Variants in NRP1 observed in about 807,000 individuals in gnomAD.
NRP1 encodes the protein neuropilin 1.
A neutral mutation model predicts 106.7 loss-of-function variants in NRP1; 35 were observed. That is an observed-to-expected ratio of 0.33 (90% CI 0.25 to 0.43). NRP1 has a LOEUF of 0.43. Ranked by LOEUF, NRP1 falls within the 20% of genes least tolerant of loss-of-function variation. The pLI is 1.00. For missense variants in NRP1, 1,024 were observed against 1,170.4 expected (o/e 0.87, Z 1.83); for synonymous variants, 437 against 417.9 (o/e 1.05, Z -0.56).
intron 2 of NRP1, among the ~76,000 whole-genome samples, chr10:33,293,679 GA>G (rs1471373679): frequency 6.6e-6 from 1 of 152,166 alleles, no homozygotes; most frequent in Admixed American, 6.5e-5. Flanking sequence ...AGAGAAAACA[GA>G]AAACATGTTC....
intron 6 of NRP1, among the ~76,000 whole-genome samples, chr10:33,231,336 G>A (rs1242247885): frequency 6.6e-6 from 1 of 152,148 alleles, no homozygotes; most frequent in Non-Finnish European, 1.5e-5. Flanking sequence ...CAGTAAAGAT[G>A]ATAGAAGAAA....
At chr10:33,331,097 G>T (rs565153622) in intron 1 of NRP1, among the ~76,000 whole-genome samples, 2 of 152,244 alleles carry the variant, frequency 1.3e-5, no homozygotes, top group South Asian at 4.2e-4. Context: ...AGCCAACTGA[G>T]ATCTGAGAGG....
chr10:33,304,036 G>C (rs554882753), intron 2 of NRP1, among the ~76,000 whole-genome samples: 10 of 152,214 alleles, frequency 6.6e-5, no homozygotes, highest in Non-Finnish European at 1.2e-4. Flanking sequence ...CTATAAATTG[G>C]GGATTCAACC....
intron 13 of NRP1, among the ~76,000 whole-genome samples, chr10:33,191,126 G>A (rs1201281974): frequency 6.6e-6 from 1 of 152,174 alleles, no homozygotes; most frequent in African/African-American, 2.4e-5. Context: ...CCAAAGTGCT[G>A]GGATTACAGG....
chr10:33,282,787 C>G (rs1029031751), intron 2 of NRP1, among the ~76,000 whole-genome samples: 13 of 151,998 alleles, frequency 8.6e-5, no homozygotes, highest in Non-Finnish European at 1.8e-4. Flanking sequence ...GCTCTGTCAC[C>G]CAGGGTGGAA....
intron 12 of NRP1, 164 bp downstream of exon 12, chr10:33,197,486 C>T (rs1836867121): frequency 6.2e-6 from 3 of 484,856 alleles, no homozygotes; most frequent in Non-Finnish European, 1.1e-5. Flanking sequence ...GCTGCATATA[C>T]ATGTGGATGA....
chr10:33,195,594 T>A, intron 12 of NRP1: 1 of 533,168 alleles, frequency 1.9e-6, no homozygotes, highest in Non-Finnish European at 3.8e-6. Flanking sequence ...ACAGTGTGGA[T>A]CAAAGTATCA....
At chr10:33,323,641 C>T (rs1847686346) in intron 2 of NRP1, among the ~76,000 whole-genome samples, 2 of 152,142 alleles carry the variant, frequency 1.3e-5, no homozygotes, top group Non-Finnish European at 2.9e-5. Flanking sequence ...TGCCAAGCCA[C>T]TGACTCTTAC....
intron 2 of NRP1, among the ~76,000 whole-genome samples, chr10:33,314,502 A>T (rs1227110528): frequency 6.6e-6 from 1 of 152,230 alleles, no homozygotes. Flanking sequence ...CGGAAAACTA[A>T]GTGTAAGAGA....
intron 2 of NRP1, among the ~76,000 whole-genome samples, chr10:33,324,248 C>G (rs1207417757): frequency 6.6e-6 from 1 of 152,042 alleles, no homozygotes; most frequent in Non-Finnish European, 1.5e-5. Flanking sequence ...GAGTAATAAC[C>G]AAGGATGCTG....
intron 8 of NRP1, among the ~76,000 whole-genome samples, chr10:33,218,589 C>T (rs1432639438): frequency 4.6e-5 from 7 of 152,124 alleles, no homozygotes; most frequent in Non-Finnish European, 7.4e-5. Flanking sequence ...TCGTGATCCA[C>T]CTGCCTCGGC....
intron 12 of NRP1, 139 bp from the exon 13 acceptor site, chr10:33,192,557 C>T (rs1218183941): frequency 3.6e-6 from 3 of 841,360 alleles, no homozygotes; most frequent in Non-Finnish European, 5.3e-6. Flanking sequence ...TCCAGGAAAG[C>T]CAGGATTACC....
chr10:33,315,995 C>G (rs1328253651), intron 2 of NRP1, among the ~76,000 whole-genome samples: 1 of 152,226 alleles, frequency 6.6e-6, no homozygotes, highest in Non-Finnish European at 1.5e-5. Flanking sequence ...AAGGCCTTAT[C>G]TGCCCTTATC....
At chr10:33,204,180 GC>G (rs1837577461) in intron 10 of NRP1, among the ~76,000 whole-genome samples, 3 of 152,040 alleles carry the variant, frequency 2.0e-5, no homozygotes, top group Admixed American at 6.6e-5. Context: ...GGTGGCTGGG[GC>G]CTGTTCTCTT....
intron 2 of NRP1, among the ~76,000 whole-genome samples, chr10:33,278,923 T>C (rs1843908170): frequency 6.6e-6 from 1 of 152,064 alleles, no homozygotes; most frequent in Non-Finnish European, 1.5e-5. Context: ...GTACGAGAGT[T>C]TATAGTCCCA....
At chr10:33,291,968 A>G (rs1442653496) in intron 2 of NRP1, among the ~76,000 whole-genome samples, 2 of 152,142 alleles carry the variant, frequency 1.3e-5, no homozygotes, top group East Asian at 3.9e-4. Context: ...CAGTGGTGCA[A>G]TCTCGGCTCA....
rs1835476756 is a variant in NRP1 at position 33,178,084 on chromosome 10, G to C, written c.*1992C>G. On this transcript the variant is annotated 3_prime_UTR_variant, in exon 17 of 17. Coordinates refer to ENST00000374867, the MANE Select transcript of NRP1 (RefSeq NM_003873.7). ...TATATCAACTAAATGAATGTCTCTG[G>C]GGACAAAAAACTATTCTTCTTTCAT... The C allele has an allele frequency of 6.6e-6, 1 of 152,406 alleles. No homozygotes were observed. The highest frequency in any genetic ancestry group is 1.5e-5 in the Non-Finnish European group (1 of 68,012). The allele number at this position is 152,406 out of a possible 1,614,324, so 9.4% of individuals were successfully genotyped here.
chr10:33,290,170 A>G (rs1233856566), intron 2 of NRP1, among the ~76,000 whole-genome samples: 6 of 152,238 alleles, frequency 3.9e-5, no homozygotes, highest in Non-Finnish European at 7.3e-5. Flanking sequence ...TGATACGTCT[A>G]TATGTGCATA....
intron 3 of NRP1, among the ~76,000 whole-genome samples, chr10:33,264,397 T>C (rs1842780080): frequency 1.3e-5 from 2 of 152,170 alleles, no homozygotes; most frequent in Admixed American, 6.5e-5. Flanking sequence ...AGGTAATTCG[T>C]ACATGTACCA....
Sources: gnomAD v4.1 joint callset for allele counts (sites outside exome capture counted in the v4.1 genomes callset) on GRCh38, gnomAD v4.1.1 for gene constraint, MANE v1.5 for transcripts, NCBI Gene and HGNC (gene_info 2026-07-23, HGNC 2026-07-21) for gene names.